KLHL6: variants seen among roughly 807,000 people sequenced by gnomAD.
The protein encoded by KLHL6 is kelch-like protein 6.
A neutral mutation model predicts 58.6 loss-of-function variants in KLHL6; 41 were observed. The observed-to-expected ratio is 0.70, with a 90% CI of 0.55 to 0.91. The LOEUF (loss-of-function observed/expected upper bound fraction) is 0.91. Among genes scored for constraint, KLHL6 ranks in the 40% least tolerant of loss-of-function variants. KLHL6 has a pLI of 0.00. For missense variants in KLHL6, 714 were observed against 805.6 expected (o/e 0.89, Z 1.38); for synonymous variants, 338 against 322.7 (o/e 1.05, Z -0.51).
intron 2 of KLHL6, among the ~76,000 whole-genome samples, chr3:183,524,958 G>A (rs890196048): frequency 9.2e-5 from 14 of 151,996 alleles, no homozygotes; most frequent in Non-Finnish European, 1.3e-4. Flanking sequence ...ATCATGTATC[G>A]TATGAACATG....
intron 2 of KLHL6, chr3:183,521,917 A>C: frequency 6.7e-6 from 1 of 148,490 alleles, no homozygotes; most frequent in African/African-American, 2.5e-5. Context: ...CTGGTCTCGA[A>C]CTCCTGACCT....
At chr3:183,507,434 T>TTTTGC in intron 3 of KLHL6, among the ~76,000 whole-genome samples, 2 of 152,122 alleles carry the variant, frequency 1.3e-5, no homozygotes, top group East Asian at 3.9e-4. Context: ...GTTTGTTTTG[T>TTTTGC]TTTGCTTTGC....
At chr3:183,514,729 C>T (rs773359899) in intron 2 of KLHL6, among the ~76,000 whole-genome samples, 16 of 151,510 alleles carry the variant, frequency 1.1e-4, no homozygotes, top group Non-Finnish European at 1.9e-4. Flanking sequence ...AGTACAGTGG[C>T]ACGATCTCGG....
chr3:183,502,277 G>C lies in KLHL6; in HGVS notation c.910-2450C>G, dbSNP rs1015418332. On this transcript the variant is annotated intron_variant, in intron 3 of 6. Transcript: ENST00000341319. ...ACGTCGCAGCATTGCACTCCAGCCT[G>C]GGCAACAAGAGCGAAACTCCATCTC... is the stretch of plus-strand genomic sequence containing the variant. 2.7e-5 allele frequency among the ~76,000 whole-genome samples: 4 copies of C among 150,742 alleles called. No individual in the cohort carries two copies. The East Asian group carries it at 7.8e-4, about 29-fold the overall frequency.
At position 183,499,462 on chromosome 3, in the gene KLHL6, C is replaced by A. The variant is rs1030058765; in HGVS notation, c.1147+128G>T. 16 of 658,516 alleles carry A rather than the reference C, an allele frequency of 2.4e-5. No homozygotes were observed. The highest frequency in any genetic ancestry group is 4.3e-5 in the Non-Finnish European group (16 of 375,888). The allele number at this position is 658,516 out of a possible 1,614,324, so 40.8% of individuals were successfully genotyped here. A position where few individuals can be genotyped will look rare whatever the true frequency, so the allele number is the denominator to read the frequency against. On this transcript the variant is annotated intron_variant, in intron 4 of 6. Transcript: ENST00000341319. The surrounding 1 kb of genome is among the most constrained non-coding windows in gnomAD (Gnocchi z 4.6). ...ACCACCTGAGCTCCTGGGTCCATATCCTGTCTCAGTCAGAGCCGGATCATT... is the reference window on the plus strand; with the variant it reads ...ACCACCTGAGCTCCTGGGTCCATATACTGTCTCAGTCAGAGCCGGATCATT...
At chr3:183,549,164 T>C (rs1234111450) in intron 1 of KLHL6, among the ~76,000 whole-genome samples, 1 of 148,292 alleles carries the variant, frequency 6.7e-6, no homozygotes, top group Non-Finnish European at 1.5e-5. Flanking sequence ...AAGTAAAATT[T>C]AAACAAATTT....
At chr3:183,495,974 T>A (rs1195700398) in intron 4 of KLHL6, among the ~76,000 whole-genome samples, 2 of 152,196 alleles carry the variant, frequency 1.3e-5, no homozygotes, top group Admixed American at 6.5e-5. Context: ...AGATACTTAT[T>A]TTACATTACA....
intron 4 of KLHL6, among the ~76,000 whole-genome samples, chr3:183,497,518 A>G (rs1717747155): frequency 6.6e-6 from 1 of 152,226 alleles, no homozygotes; most frequent in African/African-American, 2.4e-5. Flanking sequence ...TACATTTCCC[A>G]GGTCCCTGCA....
intron 1 of KLHL6, among the ~76,000 whole-genome samples, chr3:183,530,636 G>A (rs1263175721): frequency 6.6e-6 from 1 of 152,110 alleles, no homozygotes; most frequent in Admixed American, 6.5e-5. Context: ...AGAAAAATGA[G>A]GGAGCATGTT....
rs528255967 is a variant in KLHL6 at position 183,513,050 on chromosome 3, T to C, written c.460-4542A>G. ...TAGCAGTGGTTATAGATAAAGTTAT[T>C]AATTTTTTTAGAGTTTGTTGTATGA... On this transcript the variant is annotated intron_variant, in intron 2 of 6. Coordinates refer to ENST00000341319, the MANE Select transcript of KLHL6 (RefSeq NM_130446.4). 3.4e-3 allele frequency among the ~76,000 whole-genome samples: 525 copies of C among 152,334 alleles called. 2 individuals are homozygous for C. Among genetic ancestry groups the C allele is most frequent in the South Asian group, 5.6e-3 (27 of 4,832 alleles).
chr3:183,504,362 T>C (rs544468105), intron 3 of KLHL6, among the ~76,000 whole-genome samples: 1 of 152,288 alleles, frequency 6.6e-6, no homozygotes, highest in South Asian at 2.1e-4. Context: ...GTAAATAAAT[T>C]GTGGAGTCAA....
intron 2 of KLHL6, among the ~76,000 whole-genome samples, chr3:183,510,874 A>AAAAAAATAAATAAAT: frequency 6.7e-6 from 1 of 148,268 alleles, no homozygotes; most frequent in South Asian, 2.2e-4. Context: ...ACTCCATCTC[A>AAAAAAATAAATAAAT]AAATAAATAA....
intron 1 of KLHL6, among the ~76,000 whole-genome samples, chr3:183,531,596 G>C (rs150809873): frequency 0.015 from 2,258 of 151,828 alleles, 52 homozygotes; most frequent in African/African-American, 0.052. Context: ...ACAGGCTCCT[G>C]CCACCACGCC....
intron 3 of KLHL6, among the ~76,000 whole-genome samples, chr3:183,503,983 A>G (rs376933252): frequency 3.9e-5 from 6 of 152,290 alleles, no homozygotes; most frequent in East Asian, 1.9e-4. Context: ...TGAGACCCCA[A>G]TTAGGAGGTC....
intron 1 of KLHL6, among the ~76,000 whole-genome samples, chr3:183,534,114 T>TTACTTTTAAAGTACTTTGTACTTTTAAAG (rs767520696): frequency 3.2e-5 from 4 of 126,296 alleles, no homozygotes; most frequent in South Asian, 2.4e-4. Context: ...TAAAAGTACT[T>TTACTTTTAAAGTACTTTGTACTTTTAAAG]TACTTTTAAA....
chr3:183,517,033 C>T (rs764117742), intron 2 of KLHL6, among the ~76,000 whole-genome samples: 44 of 152,096 alleles, frequency 2.9e-4, no homozygotes, highest in Non-Finnish European at 5.3e-4. Flanking sequence ...CTCAGCCTCC[C>T]GAGTAGCTGG....
chr3:183,510,312 T>C (rs977343378), intron 2 of KLHL6, among the ~76,000 whole-genome samples: 2 of 62,914 alleles, frequency 3.2e-5, no homozygotes, highest in African/African-American at 1.2e-4. Context: ...CTGGTGGGGG[T>C]GGGGGAGGCC....
At position 183,555,514 on chromosome 3, in the gene KLHL6, A is replaced by T. The variant is rs1713090010; in HGVS notation, c.140T>A (p.Val47Asp). The T allele has an allele frequency of 6.2e-7, 1 of 1,614,094 alleles. No homozygotes were observed. Among genetic ancestry groups the T allele is most frequent in the Non-Finnish European group, 8.5e-7 (1 of 1,180,014 alleles). ...DLVEILNGEK[V>D]KFDDAGLSLI... ...GGAGAGTCCCGCGTCGTCAAATTTG[A>T]CCTTTTCCCCATTTAAGATCTCGAC... is the stretch of plus-strand genomic sequence containing the variant. Residue 47 changes from valine (V) to aspartate (D), a missense_variant, in exon 1 of 7, where the codon GTC (valine) becomes GAC (aspartate). Transcript: ENST00000341319.
At position 183,489,661 on chromosome 3, in the gene KLHL6, T is replaced by C. The variant is rs1266350103; in HGVS notation, c.*2266A>G. ...TAGTGCTCATGAGTCAGCAATAGTT[T>C]GTTCTAAAATTCCACAAATATGTTT... On this transcript the variant is annotated 3_prime_UTR_variant, in exon 7 of 7. Transcript: ENST00000341319. 1 of 152,238 alleles carries C rather than the reference T, an allele frequency of 6.6e-6. No individual in the cohort carries two copies. The highest frequency in any genetic ancestry group is 1.5e-5 in the Non-Finnish European group (1 of 68,042). 9.4% of individuals were successfully genotyped at this position (152,238 alleles called of 1,614,324 possible).
Sources: allele counts gnomAD v4.1 joint callset (sites outside exome capture counted in the v4.1 genomes callset), GRCh38; gene constraint gnomAD v4.1.1; non-coding constraint Gnocchi (gnomAD v3.1); transcripts MANE v1.5; gene names NCBI Gene and HGNC (gene_info 2026-07-23, HGNC 2026-07-21).